Variants in DCUN1D2 observed in about 807,000 individuals in gnomAD.
The protein encoded by DCUN1D2 is defective in cullin neddylation 1 domain containing 2.
DCUN1D2 carries 29 observed loss-of-function variants against 30.9 expected under a neutral mutation model. The observed-to-expected ratio is 0.94, with a 90% CI of 0.70 to 1.28. The LOEUF is 1.28. DCUN1D2 is among the 50% of genes most tolerant of loss of function. The pLI, the probability that DCUN1D2 is intolerant of heterozygous loss-of-function variation, is 0.00. For missense variants in DCUN1D2, 325 were observed against 316.9 expected (o/e 1.03, Z -0.19); for synonymous variants, 121 against 115.3 (o/e 1.05, Z -0.32).
In DCUN1D2 at chr13:113,490,123, G is replaced by T. The variant is rs1409953994; in HGVS notation, c.3+544C>A. 2.6e-5 allele frequency among the ~76,000 whole-genome samples: 4 copies of T among 152,288 alleles called. No homozygotes were observed. In the East Asian group the frequency reaches 7.7e-4, roughly 29 times the overall value. On this transcript the variant is annotated intron_variant, in intron 1 of 6. Transcript: ENST00000478244. This position sits in a 1 kb window ranked among gnomAD's most constrained non-coding sequence, Gnocchi z 5.2. ...GCTGCGGAACTCTACCAGCTCCACA[G>T]ATGCACACCTACAGCCACGCTACAG...
At position 113,458,175 on chromosome 13, in the gene DCUN1D2, C is replaced by G; in HGVS notation, c.701-67G>C. On this transcript the variant is annotated intron_variant, in intron 6 of 6. Transcript: ENST00000478244. Reference sequence around the variant, plus strand: ...TTTTTATCTCCAAAGCACTGAGTCACACATCAATCCAACATTTACACTTCA... The same window carrying G: ...TTTTTATCTCCAAAGCACTGAGTCAGACATCAATCCAACATTTACACTTCA... The G allele has an allele frequency of 3.1e-6, 4 of 1,282,744 alleles. No homozygotes were observed. The Admixed American group carries it at 6.8e-5, about 22-fold the overall frequency. The allele number at this position is 1,282,744 out of a possible 1,614,324, so 79.5% of individuals were successfully genotyped here.
In DCUN1D2 at chr13:113,459,322, G is replaced by A. The variant is rs117886591; in HGVS notation, c.690C>T (p.Tyr230=). The A allele has an allele frequency of 8.3e-5, 131 of 1,574,674 alleles. 1 individual carries two copies. In the East Asian group the frequency reaches 1.1e-3, roughly 13 times the overall value. The part of the protein sequence containing the change: ...GNMIADDMSN[Y]DEEGAWPVLI... ...CACAACTTCCGGTACCTTCTTCATC[G>A]TAGTTAGACATATCATCCGCAATCA... The change falls in exon 6 of 7, where the codon TAC becomes TAT. Residue 230 remains tyrosine, a synonymous_variant. Transcript: ENST00000478244.
In DCUN1D2 at chr13:113,459,415, T is replaced by G. The variant is rs373795327; in HGVS notation, c.604-7A>C. 7.0e-7 allele frequency: 1 copy of G among 1,424,034 alleles called. No homozygotes were observed. The highest frequency in any genetic ancestry group is 9.8e-7 in the Non-Finnish European group (1 of 1,015,600). 88.2% of individuals were successfully genotyped at this position (1,424,034 alleles called of 1,614,324 possible). A position where few individuals can be genotyped will look rare whatever the true frequency, so the allele number is the denominator to read the frequency against. ...TTGATCTTTTGTGATGTTCCTAATA[T>G]ATGAGAGAAAAAAAAAACCCACCAG... is the stretch of plus-strand genomic sequence containing the variant. On this transcript the variant is annotated splice_polypyrimidine_tract_variant and splice_region_variant and intron_variant, in intron 5 of 6. Transcript: ENST00000478244.
At chr13:113,472,888 G>T (rs2044546323) in intron 4 of DCUN1D2, among the ~76,000 whole-genome samples, 1 of 152,152 alleles carries the variant, frequency 6.6e-6, no homozygotes, top group African/African-American at 2.4e-5. Context: ...ACCAGTGTGG[G>T]GCCGAGACGC....
chr13:113,467,801 T>C (rs1469813737), intron 4 of DCUN1D2, among the ~76,000 whole-genome samples: 1 of 152,064 alleles, frequency 6.6e-6, no homozygotes, highest in Non-Finnish European at 1.5e-5. Flanking sequence ...CCCAGCACTT[T>C]GGGAGGCCGA....
In DCUN1D2 at chr13:113,488,499, A is replaced by T. The variant is rs1309419874; in HGVS notation, c.3+2168T>A. The stretch of plus-strand genomic sequence containing the variant: ...CCAAGTTACCTCTTGTGAAAAAGGG[A>T]ACTGGCATAAAGCTTCTTAGGAAAC... On this transcript the variant is annotated intron_variant, in intron 1 of 6. Transcript: ENST00000478244. The surrounding 1 kb of genome is among the most constrained non-coding windows in gnomAD (Gnocchi z 4.3). Among the ~76,000 whole-genome samples, 1 of 152,246 alleles carries T rather than the reference A, an allele frequency of 6.6e-6. No individual in the cohort carries two copies. The highest frequency in any genetic ancestry group is 1.5e-5 in the Non-Finnish European group (1 of 68,036).
At chr13:113,465,603 A>G (rs2139686340) in intron 4 of DCUN1D2, among the ~76,000 whole-genome samples, 1 of 151,384 alleles carries the variant, frequency 6.6e-6, no homozygotes, top group Admixed American at 6.6e-5. Context: ...CAAGTGACAG[A>G]GCCCAAGAAC....
At chr13:113,466,640 A>G (rs1183832408) in intron 4 of DCUN1D2, among the ~76,000 whole-genome samples, 1 of 152,172 alleles carries the variant, frequency 6.6e-6, no homozygotes, top group Admixed American at 6.5e-5. Context: ...CCAAGAGCTC[A>G]GTCTCCATGG....
intron 4 of DCUN1D2, among the ~76,000 whole-genome samples, chr13:113,469,723 C>A (rs1245731137): frequency 6.8e-6 from 1 of 148,144 alleles, no homozygotes; most frequent in Non-Finnish European, 1.5e-5. Flanking sequence ...TCTGTAATCC[C>A]AGCACTTTGG....
upstream of DCUN1D2, chr13:113,490,969 C>T: frequency 5.2e-6 from 1 of 190,492 alleles, no homozygotes; most frequent in East Asian, 1.4e-4. The surrounding 1 kb of genome is among the most constrained non-coding windows in gnomAD (Gnocchi z 5.2). Flanking sequence ...CCGCGGCCGA[C>T]GGGACCCGCC....
intron 1 of DCUN1D2, among the ~76,000 whole-genome samples, chr13:113,485,057 G>T (rs544581186): frequency 6.7e-6 from 1 of 150,178 alleles, no homozygotes; most frequent in South Asian, 2.1e-4. Flanking sequence ...CAGCCTGGGC[G>T]ACAGGGCGAG....
At chr13:113,477,058 A>C (rs779763506) in intron 3 of DCUN1D2, among the ~76,000 whole-genome samples, 1 of 152,210 alleles carries the variant, frequency 6.6e-6, no homozygotes, top group African/African-American at 2.4e-5. Flanking sequence ...GTAGCTTTAA[A>C]AGTTCCAATT....
chr13:113,456,206 G>C lies in DCUN1D2; in HGVS notation c.*1823C>G. The C allele has an allele frequency of 2.5e-6, 1 of 398,660 alleles. No individual in the cohort carries two copies. The highest frequency in any genetic ancestry group is 4.4e-6 in the Non-Finnish European group (1 of 226,096). The allele number at this position is 398,660 out of a possible 1,614,324, so 24.7% of individuals were successfully genotyped here. The stretch of plus-strand genomic sequence containing the variant: ...GGCCCAGTTTCCCATTAGAGTTCTG[G>C]AAGCAGAGCCTGGGGAAGGTCTGTC... On this transcript the variant is annotated 3_prime_UTR_variant, in exon 7 of 7. Transcript: ENST00000478244.
chr13:113,459,193 G>C (rs568866273), intron 6 of DCUN1D2, 119 bp downstream of exon 6: 1 of 617,288 alleles, frequency 1.6e-6, no homozygotes, highest in African/African-American at 1.8e-5. Context: ...AATAAGGAAG[G>C]GGGTAGTATT....
intron 2 of DCUN1D2, 106 bp from the exon 3 acceptor site, chr13:113,480,849 G>T: frequency 8.3e-7 from 1 of 1,204,262 alleles, no homozygotes; most frequent in Non-Finnish European, 1.2e-6. Flanking sequence ...GTTCTAGCAA[G>T]CGTGTTTCCA....
At chr13:113,485,750 T>C (rs940517239) in intron 1 of DCUN1D2, among the ~76,000 whole-genome samples, 1 of 151,954 alleles carries the variant, frequency 6.6e-6, no homozygotes, top group African/African-American at 2.4e-5. Flanking sequence ...GCTGTCCAGA[T>C]ACATACTCTC....
At chr13:113,472,308 A>G (rs2044533127) in intron 4 of DCUN1D2, among the ~76,000 whole-genome samples, 1 of 152,198 alleles carries the variant, frequency 6.6e-6, no homozygotes, top group Non-Finnish European at 1.5e-5. Flanking sequence ...AAATAAAAAA[A>G]TAAAAAGCCT....
intron 4 of DCUN1D2, among the ~76,000 whole-genome samples, chr13:113,466,801 A>ATTTTT (rs112063279): frequency 5.5e-5 from 6 of 109,796 alleles, no homozygotes; most frequent in Admixed American, 9.8e-5. Flanking sequence ...TGTCCTTTGG[A>ATTTTT]TTTTTTTTTT....
intron 1 of DCUN1D2, among the ~76,000 whole-genome samples, chr13:113,485,489 G>C (rs1232712244): frequency 6.6e-6 from 1 of 152,098 alleles, no homozygotes; most frequent in African/African-American, 2.4e-5. Context: ...GTTTTCATAA[G>C]ATCTAAAACC....
Sources: allele counts gnomAD v4.1 joint callset (sites outside exome capture counted in the v4.1 genomes callset), GRCh38; gene constraint gnomAD v4.1.1; non-coding constraint Gnocchi (gnomAD v3.1); transcripts MANE v1.5; gene names NCBI Gene and HGNC (gene_info 2026-07-23, HGNC 2026-07-21).